The following KCNB2 variants were observed in gnomAD, a reference collection of about 807,000 sequenced individuals.
KCNB2 encodes potassium voltage-gated channel subfamily B member 2, also known as delayed rectifier potassium channel protein.
A neutral mutation model predicts 61.5 loss-of-function variants in KCNB2; 15 were observed. That is an observed-to-expected ratio of 0.24 (90% CI 0.16 to 0.38). The LOEUF is 0.38. Ranked by LOEUF, KCNB2 falls within the 10% of genes least tolerant of loss-of-function variation. KCNB2 has a pLI of 1.00. For synonymous variants in KCNB2, 457 were observed against 446.0 expected (o/e 1.02, Z -0.31); for missense variants, 828 against 1,125.2 (o/e 0.74, Z 3.78).
intron 2 of KCNB2, among the ~76,000 whole-genome samples, chr8:72,568,998 A>G (rs541398235): frequency 2.0e-5 from 3 of 152,216 alleles, no homozygotes; most frequent in Admixed American, 1.3e-4. Context: ...AGGTAAATTC[A>G]TATTTTCCCA....
chr8:72,937,338 T>C lies in KCNB2; in HGVS notation c.1983T>C (p.Ala661=). The change falls in exon 3 of 3, where the codon GCT becomes GCC. Residue 661 remains alanine, a synonymous_variant. Coordinates refer to ENST00000523207, the MANE Select transcript of KCNB2 (RefSeq NM_004770.3). ...FLTLSREKGP[A]ARDGTLEYAP... ...CTCTATCCAGAGAGAAAGGACCTGC[T>C]GCCAGGGATGGCACGCTGGAGTATG... 6.2e-7 allele frequency: 1 copy of C among 1,614,062 alleles called. No homozygotes were observed. Among genetic ancestry groups the C allele is most frequent in the Non-Finnish European group, 8.5e-7 (1 of 1,179,988 alleles).
intron 2 of KCNB2, among the ~76,000 whole-genome samples, chr8:72,758,110 G>A (rs1168922890): frequency 6.6e-6 from 1 of 152,190 alleles, no homozygotes; most frequent in East Asian, 1.9e-4. Context: ...TCCGAACAAG[G>A]CAGGACTCAT....
chr8:72,933,165 C>T (rs1806825974), intron 2 of KCNB2, among the ~76,000 whole-genome samples: 1 of 152,194 alleles, frequency 6.6e-6, no homozygotes, highest in Admixed American at 6.5e-5. Context: ...AAATCCTGTT[C>T]TGCATATGCT....
intron 2 of KCNB2, chr8:72,660,613 C>T (rs1806363276): frequency 6.6e-6 from 1 of 152,152 alleles, no homozygotes; most frequent in South Asian, 2.1e-4. Flanking sequence ...AGATTTCTCT[C>T]AGCTGTCAGA....
chr8:72,663,575 A>G (rs1454969434), intron 2 of KCNB2, among the ~76,000 whole-genome samples: 1 of 152,120 alleles, frequency 6.6e-6, no homozygotes, highest in Admixed American at 6.5e-5. Context: ...TTTCATCTTT[A>G]TTATAATTTA....
intron 2 of KCNB2, among the ~76,000 whole-genome samples, chr8:72,628,579 G>C (rs973862025): frequency 2.0e-5 from 3 of 152,158 alleles, no homozygotes; most frequent in African/African-American, 7.2e-5. Flanking sequence ...AGCATTTCTA[G>C]AGGATAGCTC....
chr8:72,839,235 A>G (rs1464859147), intron 2 of KCNB2, among the ~76,000 whole-genome samples: 1 of 152,160 alleles, frequency 6.6e-6, no homozygotes. Context: ...CTACATTTCT[A>G]TGTAGTCTTA....
intron 2 of KCNB2, among the ~76,000 whole-genome samples, chr8:72,739,326 A>G (rs1807904587): frequency 6.6e-6 from 1 of 151,982 alleles, no homozygotes; most frequent in Non-Finnish European, 1.5e-5. Context: ...GGGGACAAAA[A>G]TATCAATGAG....
chr8:72,611,125 C>T (rs182851324), intron 2 of KCNB2, among the ~76,000 whole-genome samples: 6 of 152,128 alleles, frequency 3.9e-5, no homozygotes, highest in African/African-American at 1.4e-4. Flanking sequence ...AAAAGAAAAT[C>T]TATGTGCTAT....
At chr8:72,581,847 C>A (rs1008256858) in intron 2 of KCNB2, among the ~76,000 whole-genome samples, 1 of 152,176 alleles carries the variant, frequency 6.6e-6, no homozygotes, top group Non-Finnish European at 1.5e-5. Context: ...CTTTGCTTTG[C>A]TAGGGTTGCT....
intron 2 of KCNB2, among the ~76,000 whole-genome samples, chr8:72,635,973 G>T (rs1038241496): frequency 1.3e-5 from 2 of 152,162 alleles, no homozygotes; most frequent in Non-Finnish European, 2.9e-5. Flanking sequence ...ACATTGGGAA[G>T]AGTAGTACTG....
intron 2 of KCNB2, among the ~76,000 whole-genome samples, chr8:72,910,285 G>A (rs1461767306): frequency 4.6e-5 from 7 of 152,098 alleles, no homozygotes; most frequent in African/African-American, 7.2e-5. Flanking sequence ...TGGTAGTGCC[G>A]GTAGTGGGAT....
intron 2 of KCNB2, among the ~76,000 whole-genome samples, chr8:72,687,839 A>G (rs1806876265): frequency 6.6e-6 from 1 of 152,186 alleles, no homozygotes; most frequent in Non-Finnish European, 1.5e-5. Flanking sequence ...TCCATGTTTT[A>G]GAGGCCCAGA....
rs147435469 is a variant in KCNB2, at chr8:72,578,688, A to G, written c.579+10375A>G. Among the ~76,000 whole-genome samples the G allele has an allele frequency of 6.3e-3, 961 of 152,368 alleles. 8 individuals are homozygous for G. Among genetic ancestry groups the G allele is most frequent in the African/African-American group, 0.021 (875 of 41,586 alleles). On this transcript the variant is annotated intron_variant, in intron 2 of 2. Transcript: ENST00000523207. ...TACAGATTAGCCTGAGGAAACTTTAAGGCAGTAAACTGTTTTGATAGGCAG... is the reference window on the plus strand; with the variant it reads ...TACAGATTAGCCTGAGGAAACTTTAGGGCAGTAAACTGTTTTGATAGGCAG...
At chr8:72,840,751 C>T (rs1020914345) in intron 2 of KCNB2, among the ~76,000 whole-genome samples, 1 of 150,534 alleles carries the variant, frequency 6.6e-6, no homozygotes, top group East Asian at 2.0e-4. Flanking sequence ...TTTTTGATGG[C>T]ATTTTTTTTT....
At chr8:72,935,144 GC>G (rs1198310846) in intron 2 of KCNB2, among the ~76,000 whole-genome samples, 2 of 152,086 alleles carry the variant, frequency 1.3e-5, no homozygotes, top group African/African-American at 4.8e-5. Flanking sequence ...CAGGGTCAGA[GC>G]TCAGACTGCC....
Position 72,716,512 on chromosome 8 carries a change from G to A in KCNB2, c.579+148199G>A, listed in dbSNP as rs183742081. Among the ~76,000 whole-genome samples the A allele has an allele frequency of 5.4e-3, 792 of 146,454 alleles. 9 individuals carry two copies. The highest frequency in any genetic ancestry group is 0.037 in the Middle Eastern group (11 of 294). On this transcript the variant is annotated intron_variant, in intron 2 of 2. Transcript: ENST00000523207. The stretch of plus-strand genomic sequence containing the variant: ...GGGATGCATGGCTGGTTCAACATAC[G>A]CAAATCAATAAACGTAATCCAGCCT...
intron 2 of KCNB2, among the ~76,000 whole-genome samples, chr8:72,593,641 G>T (rs995267206): frequency 1.3e-5 from 2 of 152,178 alleles, no homozygotes; most frequent in Non-Finnish European, 2.9e-5. Context: ...CCTTTAGGAG[G>T]CTGTGTCAGA....
chr8:72,546,741 C>A (rs868189597), intron 1 of KCNB2, among the ~76,000 whole-genome samples: 52 of 152,250 alleles, frequency 3.4e-4, no homozygotes, highest in African/African-American at 1.2e-3. Context: ...ATGGGATCCT[C>A]CCCCTTCAGC....
Sources: allele counts gnomAD v4.1 joint callset (sites outside exome capture counted in the v4.1 genomes callset), GRCh38; gene constraint gnomAD v4.1.1; transcripts MANE v1.5; gene names NCBI Gene and HGNC (gene_info 2026-07-23, HGNC 2026-07-21).